ZNF713: variants seen among roughly 807,000 people sequenced by gnomAD.
ZNF713 encodes zinc finger protein 713.
Under a neutral mutation model 28.7 loss-of-function variants are expected in ZNF713, and 21 were observed. The observed-to-expected ratio is 0.73, with a 90% CI of 0.52 to 1.05. The LOEUF (loss-of-function observed/expected upper bound fraction) is 1.05, where lower values mean the gene tolerates loss of function less well. Among genes scored for constraint, ZNF713 ranks in the 50% least tolerant of loss-of-function variants. The pLI, the probability that ZNF713 is intolerant of heterozygous loss-of-function variation, is 0.00. For missense variants in ZNF713, 458 were observed against 532.4 expected, an observed-to-expected ratio of 0.86 and a Z score of 1.37; for synonymous variants, 167 against 178.0, an observed-to-expected ratio of 0.94 and a Z score of 0.49.
intron 4 of ZNF713, among the ~76,000 whole-genome samples, chr7:55,919,341 T>A (rs1364611312): frequency 6.6e-6 from 1 of 152,176 alleles, no homozygotes; most frequent in Non-Finnish European, 1.5e-5. Context: ...ACCTGTCCTC[T>A]CTTAAACGCA....
chr7:55,898,289 A>G (rs1057454612), intron 1 of ZNF713, among the ~76,000 whole-genome samples: 2 of 152,362 alleles, frequency 1.3e-5, no homozygotes, highest in Middle Eastern at 6.8e-3. Flanking sequence ...ATGAAGAGAA[A>G]AACCAAGGAT....
intron 1 of ZNF713, among the ~76,000 whole-genome samples, chr7:55,894,481 T>A (rs1315124361): frequency 6.6e-6 from 1 of 152,226 alleles, no homozygotes; most frequent in East Asian, 1.9e-4. Flanking sequence ...CCCATATATC[T>A]AAGAAGTGCA....
chr7:55,936,563 G>A (rs1437687164), intron 6 of ZNF713, among the ~76,000 whole-genome samples: 1 of 152,164 alleles, frequency 6.6e-6, no homozygotes, highest in African/African-American at 2.4e-5. Flanking sequence ...CCCTGTGGTT[G>A]GAAGGTGAAG....
chr7:55,942,171 G>C lies in ZNF713; in HGVS notation c.*2165G>C, dbSNP rs1786481399. On this transcript the variant is annotated 3_prime_UTR_variant, in exon 7 of 7. Transcript: ENST00000429591. ...GGTGAGCCCTGGTGCCATGTTGAGG[G>C]TGGGAATCAGGAGAGCTGCAGTGGC... 2 of 152,162 alleles carry C rather than the reference G, an allele frequency of 1.3e-5. No homozygotes were observed. Among genetic ancestry groups the C allele is most frequent in the Admixed American group, 1.3e-4 (2 of 15,264 alleles). The allele number at this position is 152,162 out of a possible 1,614,324, so 9.4% of individuals were successfully genotyped here.
At chr7:55,927,032 C>T (rs533831187) in intron 6 of ZNF713, among the ~76,000 whole-genome samples, 3 of 152,218 alleles carry the variant, frequency 2.0e-5, no homozygotes, top group African/African-American at 4.8e-5. Context: ...ATCACAGCTA[C>T]GTGGCAGGCT....
chr7:55,919,490 G>GTTTTTTTTGTTTTTTTTTTTTT (rs1785945405), intron 4 of ZNF713, among the ~76,000 whole-genome samples: 2 of 66,770 alleles, frequency 3.0e-5, no homozygotes, highest in African/African-American at 9.9e-5. Context: ...AAACACTCCA[G>GTTTTTTTTGTTTTTTTTTTTTT]TTTTTTTTTT....
At chr7:55,921,181 G>T (rs1785983676) in intron 4 of ZNF713, among the ~76,000 whole-genome samples, 1 of 151,536 alleles carries the variant, frequency 6.6e-6, no homozygotes, top group Admixed American at 6.6e-5. Flanking sequence ...AAGAACCACT[G>T]CTCAGGAAAA....
At chr7:55,917,260 GA>G (rs138528824) in intron 4 of ZNF713, among the ~76,000 whole-genome samples, 1,651 of 139,862 alleles carry the variant, frequency 0.012, 25 homozygotes, top group African/African-American at 0.038. Context: ...CATCTGCATG[GA>G]AAAAAAAAAA....
In ZNF713 at chr7:55,927,682, A is replaced by T. The variant is rs537968302; in HGVS notation, c.307+3983A>T. On this transcript the variant is annotated intron_variant, in intron 6 of 6. Coordinates refer to ENST00000429591, the MANE Select transcript of ZNF713 (RefSeq NM_182633.3). ...GAGGCCGAGATGGACGGATCACTTGAGGTCAGGAGTTCAGGACCAGCCTGG... is the reference window on the plus strand; with the variant it reads ...GAGGCCGAGATGGACGGATCACTTGTGGTCAGGAGTTCAGGACCAGCCTGG... Among the ~76,000 whole-genome samples the T allele has an allele frequency of 3.9e-5, 6 of 152,056 alleles. No homozygotes were observed. The East Asian group carries it at 1.2e-3, about 29-fold the overall frequency.
intron 6 of ZNF713, among the ~76,000 whole-genome samples, chr7:55,933,816 C>T (rs1352567014): frequency 6.6e-6 from 1 of 152,090 alleles, no homozygotes; most frequent in Non-Finnish European, 1.5e-5. Context: ...GCAGTTCTCC[C>T]ACCTCATCCT....
intron 6 of ZNF713, among the ~76,000 whole-genome samples, chr7:55,936,698 C>T (rs1786354054): frequency 6.6e-6 from 1 of 152,088 alleles, no homozygotes. Context: ...TGGGATGAGT[C>T]TGCATTGCCC....
At chr7:55,931,402 A>C (rs1395000421) in intron 6 of ZNF713, among the ~76,000 whole-genome samples, 1 of 152,214 alleles carries the variant, frequency 6.6e-6, no homozygotes, top group African/African-American at 2.4e-5. Flanking sequence ...TCTAATTTGA[A>C]TTAACTACTG....
chr7:55,941,205 C>G lies in ZNF713; in HGVS notation c.*1199C>G, dbSNP rs1464585088. Reference sequence around the variant, plus strand: ...GGGCGGTGGTTCACGCCTATAATCCCAGCACTTTGGGAGGCCGAGGTGGGG... The same window carrying G: ...GGGCGGTGGTTCACGCCTATAATCCGAGCACTTTGGGAGGCCGAGGTGGGG... On this transcript the variant is annotated 3_prime_UTR_variant, in exon 7 of 7. Coordinates refer to ENST00000429591, the MANE Select transcript of ZNF713 (RefSeq NM_182633.3). 6.6e-6 allele frequency: 1 copy of G among 151,196 alleles called. No individual in the cohort carries two copies. Among genetic ancestry groups the G allele is most frequent in the Non-Finnish European group, 1.5e-5 (1 of 67,832 alleles). The allele number at this position is 151,196 out of a possible 1,614,324, so 9.4% of individuals were successfully genotyped here.
intron 6 of ZNF713, among the ~76,000 whole-genome samples, chr7:55,927,605 G>GT (rs1786124459): frequency 6.6e-6 from 1 of 151,858 alleles, no homozygotes; most frequent in Admixed American, 6.6e-5. Flanking sequence ...GAGAGGACAA[G>GT]TAAAAAAATA....
At chr7:55,898,074 T>TA (rs1168961857) in intron 1 of ZNF713, among the ~76,000 whole-genome samples, 5 of 152,132 alleles carry the variant, frequency 3.3e-5, no homozygotes, top group Admixed American at 3.3e-4. Flanking sequence ...GGGTTGAAGA[T>TA]AGAGTTAATC....
rs528148023 is a variant in ZNF713 at position 55,920,039 on chromosome 7, C to T, written c.88-3123C>T. On this transcript the variant is annotated intron_variant, in intron 4 of 6. Coordinates refer to ENST00000429591, the MANE Select transcript of ZNF713 (RefSeq NM_182633.3). ...GCTGTTCCTCCATCTCCCTCTCCCC[C>T]GGCTTCCCTATTTGCTGAGACACAG... Among the ~76,000 whole-genome samples, 293 of 152,174 alleles carry T rather than the reference C, an allele frequency of 1.9e-3. 1 individual carries two copies. The highest frequency in any genetic ancestry group is 3.0e-3 in the Non-Finnish European group (205 of 68,036).
At chr7:55,938,814 T>A (rs542608140) in intron 6 of ZNF713, among the ~76,000 whole-genome samples, 168 bp from the exon 7 acceptor site, 1 of 152,334 alleles carries the variant, frequency 6.6e-6, no homozygotes, top group South Asian at 2.1e-4. Flanking sequence ...CTTCTCATAA[T>A]CTTTCCCTTT....
chr7:55,940,153 C>CAAAA lies in ZNF713; in HGVS notation c.*148_*149insAAAA. On this transcript the variant is annotated 3_prime_UTR_variant, in exon 7 of 7. Coordinates refer to ENST00000429591, the MANE Select transcript of ZNF713 (RefSeq NM_182633.3). ...TTGTTTTGTTTTTGAGACTGAGTCT[C>CAAAA]ACTCTGTCACCCAGGCTGAAGTGCA... The CAAAA allele has an allele frequency of 1.5e-6, 2 of 1,321,312 alleles. No homozygotes were observed. The highest frequency in any genetic ancestry group is 2.0e-6 in the Non-Finnish European group (2 of 1,006,936). 81.8% of individuals were successfully genotyped at this position (1,321,312 alleles called of 1,614,324 possible).
At chr7:55,933,053 T>G (rs1274377148) in intron 6 of ZNF713, among the ~76,000 whole-genome samples, 1 of 148,210 alleles carries the variant, frequency 6.7e-6, no homozygotes, top group Non-Finnish European at 1.5e-5. Flanking sequence ...CTGACTAACA[T>G]GGTGAAACCC....
Sources: allele counts gnomAD v4.1 joint callset (sites outside exome capture counted in the v4.1 genomes callset), GRCh38; gene constraint gnomAD v4.1.1; transcripts MANE v1.5; gene names NCBI Gene and HGNC (gene_info 2026-07-23, HGNC 2026-07-21).